The following KLHL22 variants were observed in gnomAD, a reference collection of about 807,000 sequenced individuals.
KLHL22 encodes kelch-like protein 22.
Under a neutral mutation model 60.7 loss-of-function variants are expected in KLHL22, and 18 were observed. The observed-to-expected ratio is 0.30, with a 90% CI of 0.20 to 0.44. The LOEUF is 0.44. Ranked by LOEUF, KLHL22 falls within the 20% of genes least tolerant of loss-of-function variation. The pLI is 1.00. For synonymous variants in KLHL22, 355 were observed against 354.5 expected, an observed-to-expected ratio of 1.00 and a Z score of -0.01; for missense variants, 596 against 852.3, an observed-to-expected ratio of 0.70 and a Z score of 3.74.
Position 20,441,969 on chromosome 22 carries a change from G to A in KLHL22, c.*104C>T. 1 of 1,231,528 alleles carries A rather than the reference G, an allele frequency of 8.1e-7. No individual in the cohort carries two copies. Among genetic ancestry groups the A allele is most frequent in the Non-Finnish European group, 1.1e-6 (1 of 913,926 alleles). The allele number at this position is 1,231,528 out of a possible 1,614,324, so 76.3% of individuals were successfully genotyped here. A position where few individuals can be genotyped will look rare whatever the true frequency, so the allele number is the denominator to read the frequency against. On this transcript the variant is annotated 3_prime_UTR_variant, in exon 7 of 7. Transcript: ENST00000328879. Reference sequence around the variant, plus strand: ...AGGGCCCATAAGCTGTGGCCAACAGGGGCAGGGGCCCTGCCTGGAGTAAAG... The same window carrying A: ...AGGGCCCATAAGCTGTGGCCAACAGAGGCAGGGGCCCTGCCTGGAGTAAAG...
chr22:20,489,760 G>T (rs2053652529), intron 1 of KLHL22: 1 of 471,088 alleles, frequency 2.1e-6, no homozygotes, highest in Non-Finnish European at 4.4e-6. Flanking sequence ...GCATAAAAAT[G>T]GCAAGACCTG....
chr22:20,458,019 A>G lies in KLHL22; in HGVS notation c.1113-19T>C. 1.9e-6 allele frequency: 3 copies of G among 1,613,204 alleles called. No homozygotes were observed. The South Asian group carries it at 3.3e-5, about 18-fold the overall frequency. On this transcript the variant is annotated intron_variant, in intron 4 of 6. Transcript: ENST00000328879. ...GTCATACCTGTGCCGAGACATGAGG[A>G]AAGCACAGCACTGACTAGGCAGGGA...
chr22:20,442,678 C>T (rs919524190), intron 6 of KLHL22, among the ~76,000 whole-genome samples: 2 of 152,238 alleles, frequency 1.3e-5, no homozygotes, highest in African/African-American at 4.8e-5. Flanking sequence ...CTAGAATGAT[C>T]CTATTCTCTC....
chr22:20,472,669 T>C (rs1210719740), intron 2 of KLHL22, among the ~76,000 whole-genome samples: 1 of 151,506 alleles, frequency 6.6e-6, no homozygotes, highest in African/African-American at 2.4e-5. Context: ...GAGGTTGCAG[T>C]GAGCCGAGAT....
At chr22:20,478,217 T>G in intron 2 of KLHL22, among the ~76,000 whole-genome samples, 1 of 150,332 alleles carries the variant, frequency 6.7e-6, no homozygotes, top group Non-Finnish European at 1.5e-5. Context: ...TTTTTTTTTT[T>G]TTTCTGAGGC....
intron 5 of KLHL22, among the ~76,000 whole-genome samples, chr22:20,456,991 C>T (rs903148258): frequency 2.0e-5 from 3 of 151,964 alleles, no homozygotes; most frequent in African/African-American, 7.3e-5. Context: ...AGCAGGTGCT[C>T]CACAAATGCT....
Position 20,442,551 on chromosome 22 carries a change from G to T in KLHL22, c.1540-113C>A, listed in dbSNP as rs544637650. 1.2e-3 allele frequency: 1,556 copies of T among 1,325,072 alleles called. 5 individuals carry two copies. Among genetic ancestry groups the T allele is most frequent in the Non-Finnish European group, 1.4e-3 (1,406 of 996,448 alleles). 82.1% of individuals were successfully genotyped at this position (1,325,072 alleles called of 1,614,324 possible). On this transcript the variant is annotated intron_variant, in intron 6 of 6. Coordinates refer to ENST00000328879, the MANE Select transcript of KLHL22 (RefSeq NM_032775.4). ...AGTTACCCACCATTCTGACAGGTCA[G>T]GCCCCCTGGAAGGATGGCACAGGGC...
intron 4 of KLHL22, among the ~76,000 whole-genome samples, chr22:20,461,028 C>A (rs73384259): frequency 1.3e-5 from 2 of 152,156 alleles, no homozygotes; most frequent in African/African-American, 4.8e-5. Flanking sequence ...AGAACACAGA[C>A]GGAAAGGACC....
chr22:20,442,598 A>G (rs1053393024), intron 6 of KLHL22, among the ~76,000 whole-genome samples, 160 bp from the exon 7 acceptor site: 7 of 152,258 alleles, frequency 4.6e-5, no homozygotes, highest in Non-Finnish European at 1.0e-4. Context: ...CATCCTGTCC[A>G]TGGGCCAGGC....
In KLHL22 at chr22:20,465,305, T is replaced by C; in HGVS notation, c.665A>G (p.Tyr222Cys). The C allele has an allele frequency of 6.2e-7, 1 of 1,614,096 alleles. No homozygotes were observed. The highest frequency in any genetic ancestry group is 8.5e-7 in the Non-Finnish European group (1 of 1,180,028). The change falls in exon 4 of 7, where the codon TAT becomes TGT. Residue 222 changes from tyrosine (Y) to cysteine (C), a missense_variant. Transcript: ENST00000328879. The surrounding 1 kb of genome is among the most constrained non-coding windows in gnomAD (Gnocchi z 4.9). ...GTCAGCCTGCACCTGCTCCAGGCTATAATGGTAGAGAAGGGCCCCCTCATA... is the reference window on the plus strand; with the variant it reads ...GTCAGCCTGCACCTGCTCCAGGCTACAATGGTAGAGAAGGGCCCCCTCATA... ...EVYEGALLYH[Y>C]SLEQVQADQI...
At chr22:20,449,692 C>CAGTAATAATAA (rs2052942780) in intron 5 of KLHL22, among the ~76,000 whole-genome samples, 1 of 152,244 alleles carries the variant, frequency 6.6e-6, no homozygotes, top group South Asian at 2.1e-4. Context: ...AGGTGTGAGC[C>CAGTAATAATAA]ACCACACCTG....
intron 3 of KLHL22, among the ~76,000 whole-genome samples, chr22:20,470,002 C>G (rs946574809): frequency 1.3e-5 from 2 of 151,970 alleles, no homozygotes; most frequent in Non-Finnish European, 2.9e-5. Flanking sequence ...ACTGTCAAAG[C>G]CTCAGAAAAC....
chr22:20,469,074 T>C (rs1177965722), intron 3 of KLHL22, among the ~76,000 whole-genome samples: 6 of 152,044 alleles, frequency 3.9e-5, no homozygotes, highest in African/African-American at 1.4e-4. Context: ...AGAGAGAGAC[T>C]GCAGGCCTCC....
At position 20,465,893 on chromosome 22, in the gene KLHL22, A is replaced by T. The variant is rs1275133387; in HGVS notation, c.394-317T>A. ...TGCAGTGGCAGAATCTCGGCTCACT[A>T]ACACCTCCCCCTCCCGGGTTGAAAT... On this transcript the variant is annotated intron_variant, in intron 3 of 6. Coordinates refer to ENST00000328879, the MANE Select transcript of KLHL22 (RefSeq NM_032775.4). The surrounding 1 kb of genome is among the most constrained non-coding windows in gnomAD (Gnocchi z 4.9). Among the ~76,000 whole-genome samples, 1 of 151,778 alleles carries T rather than the reference A, an allele frequency of 6.6e-6. No homozygotes were observed. The highest frequency in any genetic ancestry group is 1.5e-5 in the Non-Finnish European group (1 of 67,948).
intron 5 of KLHL22, chr22:20,451,408 C>T (rs2052976254): frequency 3.1e-6 from 5 of 1,609,640 alleles, no homozygotes; most frequent in Admixed American, 3.3e-5. Flanking sequence ...GATCCACTGT[C>T]TAGGAGGATA....
intron 6 of KLHL22, among the ~76,000 whole-genome samples, chr22:20,443,345 CAAG>C (rs1370337982): frequency 9.0e-6 from 1 of 110,504 alleles, no homozygotes; most frequent in Non-Finnish European, 2.1e-5. Context: ...ATCAAGGGTA[CAAG>C]AATACAAAAA....
chr22:20,460,198 A>C (rs2053129554), intron 4 of KLHL22, among the ~76,000 whole-genome samples: 1 of 152,160 alleles, frequency 6.6e-6, no homozygotes, highest in Non-Finnish European at 1.5e-5. Flanking sequence ...CTGCACCCCA[A>C]GTGTCTGCAA....
rs547958844 is a variant in KLHL22 at position 20,488,781 on chromosome 22, G to A, written c.227+204C>T. ...GAGAGGGAAGAGAAGAGGAGGCAAAGCCCAAGAAACAGGATCACTGAATGA... is the reference window on the plus strand; with the variant it reads ...GAGAGGGAAGAGAAGAGGAGGCAAAACCCAAGAAACAGGATCACTGAATGA... On this transcript the variant is annotated intron_variant, in intron 2 of 6. Transcript: ENST00000328879. The A allele has an allele frequency of 2.5e-4, 151 of 594,722 alleles. No individual in the cohort carries two copies. In the African/African-American group the frequency reaches 2.5e-3, roughly 10 times the overall value. The allele number at this position is 594,722 out of a possible 1,614,324, so 36.8% of individuals were successfully genotyped here.
At chr22:20,467,741 C>T (rs1601355297) in intron 3 of KLHL22, among the ~76,000 whole-genome samples, 1 of 152,164 alleles carries the variant, frequency 6.6e-6, no homozygotes, top group South Asian at 2.1e-4. Context: ...TCACTGCAAG[C>T]TCCGCCTCCC....
Sources: gnomAD v4.1 joint callset for allele counts (sites outside exome capture counted in the v4.1 genomes callset) on GRCh38, gnomAD v4.1.1 for gene constraint, Gnocchi (gnomAD v3.1) non-coding constraint, MANE v1.5 for transcripts, NCBI Gene and HGNC (gene_info 2026-07-23, HGNC 2026-07-21) for gene names.